The following GAB1 variants were observed in gnomAD, a reference collection of about 807,000 sequenced individuals.
GAB1 encodes GRB2-associated-binding protein 1.
GAB1 carries 19 observed loss-of-function variants against 66.5 expected under a neutral mutation model. The observed-to-expected ratio is 0.29, with a 90% confidence interval of 0.20 to 0.42. The LOEUF (loss-of-function observed/expected upper bound fraction) is 0.42. Ranked by LOEUF, GAB1 falls within the 10% of genes least tolerant of loss-of-function variation. GAB1 has a pLI of 1.00. For missense variants in GAB1, 732 were observed against 858.5 expected (o/e 0.85, Z 1.84); for synonymous variants, 294 against 301.4 (o/e 0.98, Z 0.25).
intron 1 of GAB1, among the ~76,000 whole-genome samples, chr4:143,353,019 A>G (rs1346499841): frequency 1.3e-5 from 2 of 152,204 alleles, no homozygotes; most frequent in Non-Finnish European, 2.9e-5. Flanking sequence ...CTCAAAAGAC[A>G]TGATTAAATC....
At chr4:143,355,479 A>T (rs548520276) in intron 1 of GAB1, among the ~76,000 whole-genome samples, 30 of 152,288 alleles carry the variant, frequency 2.0e-4, no homozygotes, top group Admixed American at 1.4e-3. Flanking sequence ...CATCTTAATC[A>T]TTTTTAAGTG....
chr4:143,353,045 T>G (rs1729295291), intron 1 of GAB1, among the ~76,000 whole-genome samples: 1 of 152,168 alleles, frequency 6.6e-6, no homozygotes, highest in Admixed American at 6.5e-5. Context: ...AAGTGTTTTG[T>G]AGGTATCTGT....
In GAB1 at chr4:143,468,645, G is replaced by T. The variant is rs199685216; in HGVS notation, c.1927-386G>T. Reference sequence around the variant, plus strand: ...CAGAAAAATTTTAAGAGTATTCATGGCCGGGCATGGTGGCTCACGCCTGTA... The same window carrying T: ...CAGAAAAATTTTAAGAGTATTCATGTCCGGGCATGGTGGCTCACGCCTGTA... On this transcript the variant is annotated intron_variant, in intron 9 of 9. Transcript: ENST00000262994. 2.6e-5 allele frequency among the ~76,000 whole-genome samples: 4 copies of T among 151,976 alleles called. No homozygotes were observed. The East Asian group carries it at 5.8e-4, about 22-fold the overall frequency.
intron 1 of GAB1, among the ~76,000 whole-genome samples, chr4:143,351,962 A>G (rs1729243738): frequency 6.6e-6 from 1 of 152,226 alleles, no homozygotes; most frequent in East Asian, 1.9e-4. Context: ...TAGCACCGGA[A>G]GCAAACATTT....
At chr4:143,356,905 C>T (rs1253765772) in intron 1 of GAB1, among the ~76,000 whole-genome samples, 1 of 152,040 alleles carries the variant, frequency 6.6e-6, no homozygotes, top group African/African-American at 2.4e-5. Context: ...CTTTCCATAC[C>T]CTCTCAAAAG....
At chr4:143,362,659 T>C (rs1429310834) in intron 1 of GAB1, among the ~76,000 whole-genome samples, 2 of 152,160 alleles carry the variant, frequency 1.3e-5, no homozygotes. Context: ...GCTAATGCAT[T>C]ATAATTGGTG....
intron 2 of GAB1, among the ~76,000 whole-genome samples, chr4:143,419,059 A>G (rs1302839474): frequency 6.6e-6 from 1 of 152,172 alleles, no homozygotes; most frequent in Non-Finnish European, 1.5e-5. Context: ...GCAAATATAT[A>G]TTAGGTGATT....
Position 143,433,694 on chromosome 4 carries a change from A to C in GAB1, c.571A>C (p.Ser191Arg). 1 of 1,613,986 alleles carries C rather than the reference A, an allele frequency of 6.2e-7. No individual in the cohort carries two copies. Among genetic ancestry groups the C allele is most frequent in the Non-Finnish European group, 8.5e-7 (1 of 1,179,886 alleles). ...QDYLLLINCQ[S>R]KKPEPTRTHA... ...CTACCTGTTGCTCATCAACTGTCAA[A>C]GCAAGAAGCCCGAACCCACCAGGTA... is the stretch of plus-strand genomic sequence containing the variant. Residue 191 changes from serine to arginine, a missense_variant, in exon 3 of 10, where the codon AGC becomes CGC. Around this residue, in one of 4 missense-constraint regions of GAB1, gnomAD observed 427 missense variants for 420.6 expected, o/e 1.02. Coordinates refer to ENST00000262994, the MANE Select transcript of GAB1 (RefSeq NM_002039.4).
At chr4:143,397,677 A>C (rs959152958) in intron 1 of GAB1, among the ~76,000 whole-genome samples, 1 of 152,230 alleles carries the variant, frequency 6.6e-6, no homozygotes, top group Non-Finnish European at 1.5e-5. Context: ...ATACTTTGGC[A>C]GTAAAACAGA....
At chr4:143,345,279 G>A (rs1728951634) in intron 1 of GAB1, among the ~76,000 whole-genome samples, 1 of 152,062 alleles carries the variant, frequency 6.6e-6, no homozygotes, top group South Asian at 2.1e-4. Flanking sequence ...GTGCTTTTCT[G>A]ATGGTGGTTT....
intron 1 of GAB1, among the ~76,000 whole-genome samples, chr4:143,408,860 G>A (rs964996208): frequency 3.3e-5 from 5 of 152,144 alleles, no homozygotes; most frequent in Non-Finnish European, 7.4e-5. Flanking sequence ...AAAAAATTCC[G>A]CTCTACTTTT....
chr4:143,394,743 A>G (rs1578648678), intron 1 of GAB1: 2 of 152,064 alleles, frequency 1.3e-5, no homozygotes, highest in Admixed American at 1.3e-4. Flanking sequence ...CAAAATGTAG[A>G]CGATGGTTAA....
At chr4:143,414,395 A>G (rs925425387) in intron 1 of GAB1, among the ~76,000 whole-genome samples, 2 of 152,166 alleles carry the variant, frequency 1.3e-5, no homozygotes, top group Admixed American at 6.5e-5. Flanking sequence ...ATAATTTTTT[A>G]GGCTTCTCTA....
At chr4:143,370,993 G>A (rs1730096957) in intron 1 of GAB1, among the ~76,000 whole-genome samples, 1 of 152,200 alleles carries the variant, frequency 6.6e-6, no homozygotes. Flanking sequence ...ATTGTGAATA[G>A]TGACGCAATA....
At position 143,341,047 on chromosome 4, in the gene GAB1, T is replaced by C. The variant is rs75419996; in HGVS notation, c.72+3787T>C. Among the ~76,000 whole-genome samples the C allele has an allele frequency of 8.9e-3, 1,349 of 152,364 alleles. 16 individuals carry two copies. Among genetic ancestry groups the C allele is most frequent in the African/African-American group, 0.031 (1,290 of 41,584 alleles). ...TTTTCCTTCTCTTTTTAATTTTTTC[T>C]ATATTCGCAAAAGGTTCTTTCTTGT... is the stretch of plus-strand genomic sequence containing the variant. On this transcript the variant is annotated intron_variant, in intron 1 of 9. Transcript: ENST00000262994.
chr4:143,405,987 G>A (rs1463336677), intron 1 of GAB1, among the ~76,000 whole-genome samples: 2 of 152,010 alleles, frequency 1.3e-5, no homozygotes, highest in African/African-American at 4.8e-5. Flanking sequence ...CCATTCCTAA[G>A]CATCACTTTG....
At chr4:143,341,551 G>T (rs539878958) in intron 1 of GAB1, among the ~76,000 whole-genome samples, 1 of 152,322 alleles carries the variant, frequency 6.6e-6, no homozygotes, top group South Asian at 2.1e-4. Context: ...TGAGGCCAGA[G>T]CAAGGTGGCC....
chr4:143,358,865 T>C (rs183374747), intron 1 of GAB1, among the ~76,000 whole-genome samples: 2 of 152,322 alleles, frequency 1.3e-5, no homozygotes, highest in Non-Finnish European at 2.9e-5. Flanking sequence ...GAATTGGTGT[T>C]TGTATTCTCC....
chr4:143,339,221 G>A (rs1046136237), intron 1 of GAB1, among the ~76,000 whole-genome samples: 1 of 152,210 alleles, frequency 6.6e-6, no homozygotes, highest in Non-Finnish European at 1.5e-5. Context: ...GTGGAGCTTA[G>A]ACTAGGTTAT....
Sources: allele counts gnomAD v4.1 joint callset (sites outside exome capture counted in the v4.1 genomes callset), GRCh38; gene constraint gnomAD v4.1.1; regional missense constraint gnomAD v4.1.1; transcripts MANE v1.5; gene names NCBI Gene and HGNC (gene_info 2026-07-23, HGNC 2026-07-21).